The following BLTP1 variants were observed in gnomAD, a reference collection of about 807,000 sequenced individuals.
BLTP1 encodes fragile site-associated protein.
the BLTP1 span, chr4:122,282,030 C>T: frequency 1.0e-6 from 1 of 978,274 alleles, no homozygotes; most frequent in African/African-American, 1.8e-5. Context: ...CCAATTTAAA[C>T]TTAAGTTGAA....
At chr4:122,344,388 T>C in the BLTP1 span, 1 of 1,613,688 alleles carries the variant, frequency 6.2e-7, no homozygotes, top group Non-Finnish European at 8.5e-7. Flanking sequence ...AAAGGGAATG[T>C]GGATGAGGAG....
chr4:122,225,647 A>T, the BLTP1 span: 1 of 152,140 alleles, frequency 6.6e-6, no homozygotes, highest in Non-Finnish European at 1.5e-5. Context: ...TTGAAAAGGG[A>T]TATTTTGGAG....
chr4:122,340,697 G>A, the BLTP1 span: 3 of 983,564 alleles, frequency 3.1e-6, no homozygotes, highest in Non-Finnish European at 3.6e-6. Flanking sequence ...TGCTAATGTG[G>A]TCACCCATTA....
the BLTP1 span, among the ~76,000 whole-genome samples, chr4:122,171,451 AAG>A: frequency 1.3e-5 from 2 of 152,142 alleles, no homozygotes; most frequent in East Asian, 1.9e-4. Context: ...GAGGAAGGGA[AAG>A]AGAGGAAACA....
At chr4:122,187,127 G>C in the BLTP1 span, 1 of 984,224 alleles carries the variant, frequency 1.0e-6, no homozygotes, top group Non-Finnish European at 1.2e-6. Flanking sequence ...TGGGCAAAAT[G>C]GTAGATGTAA....
At chr4:122,223,303 C>T in the BLTP1 span, among the ~76,000 whole-genome samples, 29 of 152,114 alleles carry the variant, frequency 1.9e-4, no homozygotes, top group African/African-American at 6.7e-4. Flanking sequence ...GAACACTAAC[C>T]CTGTGAGATA....
chr4:122,154,826 C>T, the BLTP1 span: 5 of 235,334 alleles, frequency 2.1e-5, no homozygotes, highest in African/African-American at 4.7e-5. Context: ...GAGCTGAGAT[C>T]GCACCACTGC....
the BLTP1 span, among the ~76,000 whole-genome samples, chr4:122,347,982 C>T: frequency 6.6e-6 from 1 of 151,542 alleles, no homozygotes; most frequent in African/African-American, 2.4e-5. Flanking sequence ...AGCTAGATGG[C>T]CAGTAGCTTT....
At chr4:122,219,894 A>C in the BLTP1 span, among the ~76,000 whole-genome samples, 53 of 152,196 alleles carry the variant, frequency 3.5e-4, no homozygotes, top group East Asian at 9.1e-3. Flanking sequence ...CTTAGCTTTT[A>C]TCTCTAGACC....
At chr4:122,251,249 T>C in the BLTP1 span, 612 of 898,852 alleles carry the variant, frequency 6.8e-4, 10 homozygotes, top group East Asian at 0.042. Flanking sequence ...GCTCAGTATG[T>C]AGTATGTAAT....
At chr4:122,175,754 C>CTGGATAATGATAA in the BLTP1 span, 1 of 769,430 alleles carries the variant, frequency 1.3e-6, no homozygotes, top group Non-Finnish European at 2.2e-6. Context: ...CCTGTATTTC[C>CTGGATAATGATAA]TTGTTCATTA....
the BLTP1 span, among the ~76,000 whole-genome samples, chr4:122,218,898 C>G: frequency 5.9e-5 from 9 of 152,116 alleles, no homozygotes; most frequent in Non-Finnish European, 1.3e-4. Flanking sequence ...AATATTCCAA[C>G]AGGAATATGT....
At chr4:122,339,798 G>A in the BLTP1 span, among the ~76,000 whole-genome samples, 2 of 152,244 alleles carry the variant, frequency 1.3e-5, no homozygotes, top group South Asian at 2.1e-4. Context: ...GAAACATAGT[G>A]TTACCTTACA....
the BLTP1 span, chr4:122,264,042 CAT>C: frequency 5.5e-4 from 458 of 827,598 alleles, 2 homozygotes; most frequent in African/African-American, 7.6e-3. Flanking sequence ...ATAAGGATGA[CAT>C]GTGTTCTGAA....
the BLTP1 span, chr4:122,250,063 G>T: frequency 1.2e-6 from 1 of 820,040 alleles, no homozygotes; most frequent in African/African-American, 1.9e-5. Flanking sequence ...TATCTACTTA[G>T]AATTATATTT....
the BLTP1 span, among the ~76,000 whole-genome samples, chr4:122,265,678 C>G: frequency 6.6e-6 from 1 of 151,976 alleles, no homozygotes; most frequent in Non-Finnish European, 1.5e-5. Context: ...GGCACTTGTC[C>G]ATTTAGATAT....
the BLTP1 span, chr4:122,273,486 T>C: frequency 6.3e-6 from 6 of 956,830 alleles, no homozygotes; most frequent in African/African-American, 8.8e-5. Flanking sequence ...TAAGTTGATA[T>C]TTAAAAAAAA....
the BLTP1 span, among the ~76,000 whole-genome samples, chr4:122,250,795 T>G: frequency 6.6e-6 from 1 of 152,274 alleles, no homozygotes; most frequent in East Asian, 1.9e-4. Context: ...ATCATAGTCC[T>G]AGCATTATGC....
chr4:122,257,213 TATTAC>T, the BLTP1 span: 2 of 1,583,718 alleles, frequency 1.3e-6, no homozygotes, highest in South Asian at 2.3e-5. Context: ...TAACTGATAT[TATTAC>T]ATTAGATTAC....
Sources: gnomAD v4.1 joint callset for allele counts (sites outside exome capture counted in the v4.1 genomes callset) on GRCh38, gnomAD v4.1.1 for gene constraint, MANE v1.5 for transcripts, NCBI Gene and HGNC (gene_info 2026-07-23, HGNC 2026-07-21) for gene names.